The following PADI6 variants were observed in gnomAD, a reference collection of about 807,000 sequenced individuals.
PADI6 encodes the protein inactive protein-arginine deiminase type-6.
PADI6 carries 66 observed loss-of-function variants against 78.2 expected under a neutral mutation model. That is an observed-to-expected ratio of 0.84 (90% CI 0.69 to 1.04). The LOEUF (loss-of-function observed/expected upper bound fraction) is 1.04. Among genes scored for constraint, PADI6 ranks in the 50% least tolerant of loss-of-function variants. The pLI is 0.00. For synonymous variants in PADI6, 397 were observed against 346.9 expected (o/e 1.14, Z -1.60); for missense variants, 854 against 866.1 (o/e 0.99, Z 0.18).
At chr1:17,391,967 A>C (rs1396955275) in intron 8 of PADI6, 147 bp from the exon 9 acceptor site, 1 of 640,532 alleles carries the variant, frequency 1.6e-6, no homozygotes, top group Admixed American at 2.7e-5. Context: ...TGCCGAGGTC[A>C]GGGATGGTTG....
intron 2 of PADI6, 68 bp downstream of exon 2, chr1:17,373,301 C>A: frequency 1.9e-6 from 3 of 1,556,368 alleles, no homozygotes; most frequent in East Asian, 2.3e-5. Flanking sequence ...CTGGGGCTTC[C>A]TCCTGGCTGC....
intron 1 of PADI6, 32 bp from the exon 2 acceptor site, chr1:17,373,023 GC>G: frequency 6.3e-6 from 10 of 1,581,066 alleles, no homozygotes; most frequent in Non-Finnish European, 6.9e-6. Flanking sequence ...AGGTGTTTGT[GC>G]CCTGACGCGT....
chr1:17,394,420 G>A lies in PADI6; in HGVS notation c.1303G>A (p.Gly435Ser). ...GGTCCAAGGGAAAGAGTACCCGCTG[G>A]GCAGAGTCCTCATTGGCAGCAGCTT... ...VKVQGKEYPLGRVLIGSSFYP... is the reference protein window; with the variant it reads ...VKVQGKEYPLSRVLIGSSFYP... The change falls in exon 11 of 16, where the codon GGC (glycine) becomes AGC (serine). Residue 435 changes from glycine (G) to serine (S), a missense_variant. Gly to Ser is a moderately conservative substitution (Grantham distance 56). Coordinates refer to ENST00000619609, the MANE Select transcript of PADI6 (RefSeq NM_207421.4). The A allele has an allele frequency of 6.2e-7, 1 of 1,613,632 alleles. No individual in the cohort carries two copies. Among genetic ancestry groups the A allele is most frequent in the Non-Finnish European group, 8.5e-7 (1 of 1,179,790 alleles).
chr1:17,377,939 G>T (rs369787812), intron 3 of PADI6, among the ~76,000 whole-genome samples: 1 of 152,016 alleles, frequency 6.6e-6, no homozygotes, highest in Admixed American at 6.6e-5. Flanking sequence ...CGCTGCCCAC[G>T]AAACTACACG....
chr1:17,390,987 G>A (rs2075176704), intron 8 of PADI6, among the ~76,000 whole-genome samples: 1 of 152,204 alleles, frequency 6.6e-6, no homozygotes, highest in African/African-American at 2.4e-5. Flanking sequence ...GACCTTGTCA[G>A]GCTGGTAGCT....
chr1:17,380,534 G>A (rs985313584), intron 4 of PADI6, among the ~76,000 whole-genome samples: 24 of 152,050 alleles, frequency 1.6e-4, no homozygotes, highest in African/African-American at 5.3e-4. Flanking sequence ...TGCCTGGCTA[G>A]TTTTTTTTGT....
chr1:17,398,350 G>A (rs1570153171), intron 14 of PADI6, among the ~76,000 whole-genome samples: 1 of 152,148 alleles, frequency 6.6e-6, no homozygotes, highest in African/African-American at 2.4e-5. Context: ...AGACAGGTGT[G>A]TTGGGTTATG....
rs369006350 is a variant in PADI6 at position 17,400,321 on chromosome 1, C to T, written c.1852-884C>T. ...TTGAGGTCAGGACTGCGAGACCAGC[C>T]TTACATGGAGAAACTGTCTTTACCA... On this transcript the variant is annotated intron_variant, in intron 15 of 15. Coordinates refer to ENST00000619609, the MANE Select transcript of PADI6 (RefSeq NM_207421.4). 3.9e-5 allele frequency among the ~76,000 whole-genome samples: 6 copies of T among 152,070 alleles called. No homozygotes were observed. The South Asian group carries it at 8.3e-4, about 21-fold the overall frequency.
chr1:17,388,416 C>T lies in PADI6; in HGVS notation c.715C>T (p.Pro239Ser), dbSNP rs752290325. The part of the protein sequence containing the change: ...NSSTFELVLG[P>S]DQHAYTLALL... ...CAGTACCTTTGAGTTGGTGCTGGGG[C>T]CCGACCAGCACGCCTATACCTTGGC... is the stretch of plus-strand genomic sequence containing the variant. The change falls in exon 7 of 16, where the codon CCC becomes TCC. Residue 239 changes from proline (P) to serine (S), a missense_variant. Pro to Ser is a moderately conservative substitution (Grantham distance 74). Transcript: ENST00000619609. 17 of 1,613,362 alleles carry T rather than the reference C, an allele frequency of 1.1e-5. No homozygotes were observed. Among genetic ancestry groups the T allele is most frequent in the Non-Finnish European group, 1.3e-5 (15 of 1,179,698 alleles).
intron 15 of PADI6, 122 bp from the exon 16 acceptor site, chr1:17,401,083 T>C (rs1018724475): frequency 1.2e-6 from 1 of 801,392 alleles, no homozygotes; most frequent in South Asian, 1.8e-5. Flanking sequence ...TGGGTTTCAC[T>C]GACCTGGAGG....
Position 17,372,203 on chromosome 1 carries a change from T to G in PADI6, c.-43T>G. ...AGGGCAGGGTGAGCCCTGGGGCGTC[T>G]GAGGCTGCTGTGCTGAGTGAGGGCT... On this transcript the variant is annotated 5_prime_UTR_variant, in exon 1 of 16. Transcript: ENST00000619609. 36 of 1,567,642 alleles carry G rather than the reference T, an allele frequency of 2.3e-5. No homozygotes were observed. Among genetic ancestry groups the G allele is most frequent in the Non-Finnish European group, 2.7e-5 (31 of 1,138,008 alleles).
In PADI6 at chr1:17,401,228, G is replaced by A. The variant is rs1375719266; in HGVS notation, c.1875G>A (p.Lys625=). The change falls in exon 16 of 16, where the codon AAG becomes AAA. Residue 625 remains lysine, a synonymous_variant. Coordinates refer to ENST00000619609, the MANE Select transcript of PADI6 (RefSeq NM_207421.4). ...AGTTGCGGATGATTGTGATGGGCAAGAACCTGGGGATCCCCAAGCCTTTTG... is the reference window on the plus strand; with the variant it reads ...AGTTGCGGATGATTGTGATGGGCAAAAACCTGGGGATCCCCAAGCCTTTTG... ...PDLLRMIVMG[K]NLGIPKPFGP... is the part of the protein sequence containing the mutation. 6.2e-7 allele frequency: 1 copy of A among 1,614,020 alleles called. No homozygotes were observed. Among genetic ancestry groups the A allele is most frequent in the Non-Finnish European group, 8.5e-7 (1 of 1,179,876 alleles).
In PADI6 at chr1:17,394,447, T is replaced by C; in HGVS notation, c.1330T>C (p.Tyr444His). ...CAGAGTCCTCATTGGCAGCAGCTTT[T>C]ACCCCAGGTGAGCCACAAAGCCAGA... The part of the protein sequence containing the change: ...LGRVLIGSSF[Y>H]PSAEGRAMSK... Residue 444 changes from tyrosine (Y) to histidine (H), a missense_variant, in exon 11 of 16, where the codon TAC becomes CAC. Transcript: ENST00000619609. 6.2e-7 allele frequency: 1 copy of C among 1,612,964 alleles called. No individual in the cohort carries two copies. Among genetic ancestry groups the C allele is most frequent in the Non-Finnish European group, 8.5e-7 (1 of 1,179,340 alleles).
At chr1:17,395,285 C>T (rs934173469) in intron 12 of PADI6, among the ~76,000 whole-genome samples, 178 bp downstream of exon 12, 2 of 151,478 alleles carry the variant, frequency 1.3e-5, no homozygotes, top group African/African-American at 4.9e-5. Context: ...CTCACTGCAA[C>T]CACTGCCTCC....
At chr1:17,386,862 GC>G (rs1310849933) in intron 6 of PADI6, among the ~76,000 whole-genome samples, 1 of 152,230 alleles carries the variant, frequency 6.6e-6, no homozygotes. Flanking sequence ...GGCAGCCACG[GC>G]CGCAGCTGCA....
In PADI6 at chr1:17,395,651, C is replaced by T. The variant is rs1200780996; in HGVS notation, c.1606C>T (p.Leu536Phe). The change falls in exon 13 of 16, where the codon CTC becomes TTC. Residue 536 changes from leucine (L) to phenylalanine (F), a missense_variant. Leu to Phe is a conservative substitution (Grantham distance 22). Transcript: ENST00000619609. Reference sequence around the variant, plus strand: ...GTTTGATGAGCTTAGAGCAGATCAGCTCCTGTCTAATGGTAAGGGAACTCC... The same window carrying T: ...GTTTGATGAGCTTAGAGCAGATCAGTTCCTGTCTAATGGTAAGGGAACTCC... Reference protein sequence around the residue: ...LLFDELRADQLLSNGREAKTI... With the variant: ...LLFDELRADQFLSNGREAKTI... 4 of 1,611,564 alleles carry T rather than the reference C, an allele frequency of 2.5e-6. No individual in the cohort carries two copies. Among genetic ancestry groups the T allele is most frequent in the African/African-American group, 2.7e-5 (2 of 75,038 alleles).
At chr1:17,399,923 C>CT (rs917810689) in intron 15 of PADI6, among the ~76,000 whole-genome samples, 1 of 151,764 alleles carries the variant, frequency 6.6e-6, no homozygotes, top group African/African-American at 2.4e-5. Context: ...ATAATCCCAG[C>CT]TAATCAGAGG....
chr1:17,383,232 T>C (rs1570131676), intron 6 of PADI6, among the ~76,000 whole-genome samples: 1 of 152,242 alleles, frequency 6.6e-6, no homozygotes. Flanking sequence ...GTCTACACTC[T>C]GGGGCCTTGG....
At position 17,375,410 on chromosome 1, in the gene PADI6, G is replaced by A; in HGVS notation, c.295-17G>A. ...CCGTCCAACACTGCCTATGGTTTCG[G>A]GATGCTGTCTCCACAGGTCTCGGTC... On this transcript the variant is annotated splice_polypyrimidine_tract_variant and intron_variant, in intron 2 of 15. Transcript: ENST00000619609. 1.2e-6 allele frequency: 2 copies of A among 1,607,268 alleles called. No individual in the cohort carries two copies. Among genetic ancestry groups the A allele is most frequent in the Non-Finnish European group, 1.7e-6 (2 of 1,176,490 alleles).
Sources: allele counts gnomAD v4.1 joint callset (sites outside exome capture counted in the v4.1 genomes callset), GRCh38; gene constraint gnomAD v4.1.1; transcripts MANE v1.5; gene names NCBI Gene and HGNC (gene_info 2026-07-23, HGNC 2026-07-21).